Variants in PTN observed in about 807,000 individuals in gnomAD.
The protein encoded by PTN is heparin affin regulatory protein.
A neutral mutation model predicts 24.1 loss-of-function variants in PTN; 18 were observed. The observed-to-expected ratio is 0.75, with a 90% confidence interval of 0.52 to 1.11. The LOEUF is 1.11. Ranked by LOEUF, PTN falls within the 50% of genes least tolerant of loss-of-function variation. The probability of loss-of-function intolerance (pLI) is 0.00; values close to 1 mark genes in which losing one functional copy is unlikely to be tolerated. For synonymous variants in PTN, 78 were observed against 68.6 expected (o/e 1.14, Z -0.67); for missense variants, 163 against 198.8 (o/e 0.82, Z 1.08).
At chr7:137,240,032 C>T (rs904263085) in intron 4 of PTN, among the ~76,000 whole-genome samples, 1 of 152,170 alleles carries the variant, frequency 6.6e-6, no homozygotes, top group African/African-American at 2.4e-5. Flanking sequence ...CTAGCCCCTT[C>T]TCTCTCTTCC....
chr7:137,335,438 T>C (rs1242251864), intron 1 of PTN, among the ~76,000 whole-genome samples: 2 of 152,136 alleles, frequency 1.3e-5, no homozygotes, highest in African/African-American at 4.8e-5. Context: ...ACATTGTAAA[T>C]ATTATTTGGT....
chr7:137,285,485 G>A (rs907411830), intron 1 of PTN, among the ~76,000 whole-genome samples: 5 of 152,104 alleles, frequency 3.3e-5, no homozygotes, highest in Non-Finnish European at 5.9e-5. Context: ...GGCCAACACG[G>A]TAAAACCCCG....
chr7:137,286,877 C>T (rs1459233059), intron 1 of PTN, among the ~76,000 whole-genome samples: 1 of 152,156 alleles, frequency 6.6e-6, no homozygotes, highest in Admixed American at 6.5e-5. Context: ...ATGATTCTAT[C>T]GTGCTCAATT....
intron 1 of PTN, among the ~76,000 whole-genome samples, chr7:137,329,672 G>C (rs890054860): frequency 6.6e-6 from 1 of 152,190 alleles, no homozygotes; most frequent in East Asian, 1.9e-4. Context: ...AGTTTCTGAA[G>C]GTCCAGACAT....
intron 1 of PTN, among the ~76,000 whole-genome samples, chr7:137,265,252 T>A (rs1159150293): frequency 3.3e-5 from 5 of 152,226 alleles, no homozygotes; most frequent in Admixed American, 2.6e-4. Context: ...GAAAGACCTA[T>A]AAGGGGCTTC....
At chr7:137,293,830 G>A (rs539104329) in intron 1 of PTN, among the ~76,000 whole-genome samples, 16 of 152,048 alleles carry the variant, frequency 1.1e-4, no homozygotes, top group East Asian at 5.8e-4. Flanking sequence ...TCTTGGTGTC[G>A]TACATTCTAT....
intron 1 of PTN, among the ~76,000 whole-genome samples, chr7:137,277,710 C>T (rs1809384516): frequency 6.6e-6 from 1 of 152,102 alleles, no homozygotes; most frequent in African/African-American, 2.4e-5. Flanking sequence ...GCTGGGACTA[C>T]AGGCACATGT....
rs562915880 is a variant in PTN at position 137,325,256 on chromosome 7, A to G, written c.-2+18183T>C. On this transcript the variant is annotated intron_variant, in intron 1 of 4. Coordinates refer to ENST00000348225, the MANE Select transcript of PTN (RefSeq NM_002825.7). ...CTTCTGGCTGATAATTAAATTAATT[A>G]AATTGGGGATTGGAAACCAGACAAT... The G allele has an allele frequency of 4.6e-5, 7 of 152,334 alleles. No individual in the cohort carries two copies. In the South Asian group the frequency reaches 6.2e-4, roughly 14 times the overall value. The allele number at this position is 152,334 out of a possible 1,614,324, so 9.4% of individuals were successfully genotyped here.
At position 137,335,331 on chromosome 7, in the gene PTN, G is replaced by T. The variant is rs140763864; in HGVS notation, c.-2+8108C>A. Among the ~76,000 whole-genome samples, 18 of 152,216 alleles carry T rather than the reference G, an allele frequency of 1.2e-4. 1 individual carries two copies. In the East Asian group the frequency reaches 3.5e-3, roughly 29 times the overall value. ...GAAGCACTGGTAAGGAGGCCCAAGT[G>T]CAACATCTGGCCAGGGGCTTTTTAC... is the stretch of plus-strand genomic sequence containing the variant. On this transcript the variant is annotated intron_variant, in intron 1 of 4. Coordinates refer to ENST00000348225, the MANE Select transcript of PTN (RefSeq NM_002825.7).
At chr7:137,258,274 G>C (rs1364058568) in intron 1 of PTN, among the ~76,000 whole-genome samples, 1 of 152,160 alleles carries the variant, frequency 6.6e-6, no homozygotes, top group African/African-American at 2.4e-5. Context: ...GAGTTGGAGA[G>C]AAAGTAGAAT....
chr7:137,275,201 C>T (rs1413823381), intron 1 of PTN, among the ~76,000 whole-genome samples: 8 of 152,090 alleles, frequency 5.3e-5, no homozygotes, highest in South Asian at 2.1e-4. Context: ...CCTTTTAAGA[C>T]GGTTTAGACT....
chr7:137,252,506 T>A (rs1808846153), intron 3 of PTN, among the ~76,000 whole-genome samples: 1 of 151,816 alleles, frequency 6.6e-6, no homozygotes, highest in Non-Finnish European at 1.5e-5. Context: ...TGTAAGTGGG[T>A]TTTTAAGGTG....
intron 1 of PTN, among the ~76,000 whole-genome samples, chr7:137,287,965 C>A (rs1585030441): frequency 6.6e-6 from 1 of 152,116 alleles, no homozygotes; most frequent in African/African-American, 2.4e-5. Flanking sequence ...AATCTATTGA[C>A]TAAGCAAAGC....
intron 3 of PTN, among the ~76,000 whole-genome samples, chr7:137,251,726 A>G (rs544497316): frequency 6.6e-6 from 1 of 151,910 alleles, no homozygotes; most frequent in East Asian, 1.9e-4. Flanking sequence ...GCAACTCCTT[A>G]TCTGTTCTCT....
chr7:137,341,341 A>G (rs977372912), intron 1 of PTN, among the ~76,000 whole-genome samples: 8 of 151,562 alleles, frequency 5.3e-5, no homozygotes, highest in African/African-American at 1.7e-4. Flanking sequence ...TTAAAAAGAA[A>G]TGTAGATCTT....
chr7:137,258,555 G>GA (rs370931086), intron 1 of PTN, among the ~76,000 whole-genome samples: 4 of 152,188 alleles, frequency 2.6e-5, no homozygotes, highest in African/African-American at 9.6e-5. Flanking sequence ...TCTGGGTAGA[G>GA]AAAATGAATA....
At chr7:137,322,693 G>A (rs1376363738) in intron 1 of PTN, among the ~76,000 whole-genome samples, 6 of 152,152 alleles carry the variant, frequency 3.9e-5, no homozygotes, top group Admixed American at 6.6e-5. Context: ...CATTAGAACA[G>A]CTTGCTTTTC....
intron 1 of PTN, among the ~76,000 whole-genome samples, chr7:137,333,874 C>A (rs1361923506): frequency 6.6e-6 from 1 of 152,108 alleles, no homozygotes; most frequent in African/African-American, 2.4e-5. Flanking sequence ...ACAGAGCCCT[C>A]AGAAATAACA....
At chr7:137,241,632 G>T (rs1178403480) in intron 4 of PTN, among the ~76,000 whole-genome samples, 1 of 152,124 alleles carries the variant, frequency 6.6e-6, no homozygotes, top group Non-Finnish European at 1.5e-5. Context: ...ATTTAGAGAA[G>T]ACAAAATAGG....
Sources: gnomAD v4.1 joint callset for allele counts (sites outside exome capture counted in the v4.1 genomes callset) on GRCh38, gnomAD v4.1.1 for gene constraint, MANE v1.5 for transcripts, NCBI Gene and HGNC (gene_info 2026-07-23, HGNC 2026-07-21) for gene names.